Variants in CNTRL observed in about 807,000 individuals in gnomAD.
The protein encoded by CNTRL is 110 kDa centrosomal protein.
Under a neutral mutation model 303.7 loss-of-function variants are expected in CNTRL, and 233 were observed. That is an observed-to-expected ratio of 0.77 (90% CI 0.69 to 0.86). The LOEUF is 0.86. Among genes scored for constraint, CNTRL ranks in the 40% least tolerant of loss-of-function variants. CNTRL has a pLI of 0.00. For missense variants in CNTRL, 2,524 were observed against 2,650.6 expected, an observed-to-expected ratio of 0.95 and a Z score of 1.05; for synonymous variants, 900 against 922.2, an observed-to-expected ratio of 0.98 and a Z score of 0.44.
At chr9:121,157,072 T>A (rs1408624528) in intron 27 of CNTRL, among the ~76,000 whole-genome samples, 1 of 151,486 alleles carries the variant, frequency 6.6e-6, no homozygotes, top group Non-Finnish European at 1.5e-5. Context: ...ATATAGTCTT[T>A]CTGTCTTTGT....
rs532419601 is a variant in CNTRL at position 121,088,405 on chromosome 9, A to G, written c.79A>G (p.Met27Val). The change falls in exon 3 of 44, where the codon ATG (methionine) becomes GTG (valine). Residue 27 changes from methionine to valine, a missense_variant. Transcript: ENST00000373855. ...SSSHSPIPSS[M>V]SNMRSRSLSP... ...ATCTCACTCTCCTATCCCATCATCT[A>G]TGTCCAATATGAGATCTAGGTCACT... 3.7e-6 allele frequency: 6 copies of G among 1,612,434 alleles called. No individual in the cohort carries two copies. The highest frequency in any genetic ancestry group is 1.3e-5 in the African/African-American group (1 of 74,904).
chr9:121,138,467 G>A, intron 15 of CNTRL, 78 bp from the exon 16 acceptor site: 1 of 1,449,016 alleles, frequency 6.9e-7, no homozygotes, highest in Non-Finnish European at 9.5e-7. Flanking sequence ...GTGTGTATAT[G>A]TAAATTTATT....
At chr9:121,154,460 A>C (rs2052452515) in intron 26 of CNTRL, among the ~76,000 whole-genome samples, 1 of 152,250 alleles carries the variant, frequency 6.6e-6, no homozygotes, top group Non-Finnish European at 1.5e-5. Flanking sequence ...CTGACAACAC[A>C]ATAATCTTTG....
At position 121,165,051 on chromosome 9, in the gene CNTRL, C is replaced by G. The variant is rs553998042; in HGVS notation, c.5532C>G (p.Asp1844Glu). 1 of 1,606,484 alleles carries G rather than the reference C, an allele frequency of 6.2e-7. No individual in the cohort carries two copies. Among genetic ancestry groups the G allele is most frequent in the Non-Finnish European group, 8.5e-7 (1 of 1,177,248 alleles). ...LQQELDQLNR[D>E]KLSLHNDISA... is the part of the protein sequence containing the mutation. ...AGGAACTAGACCAACTAAACAGAGA[C>G]AAGTTGTCACTGCATAACGACATTT... Residue 1844 changes from aspartate (D) to glutamate (E), a missense_variant, in exon 35 of 44, where the codon GAC (aspartate) becomes GAG (glutamate). Asp to Glu is a conservative substitution (Grantham distance 45, BLOSUM62 2). Coordinates refer to ENST00000373855, the MANE Select transcript of CNTRL (RefSeq NM_007018.6).
At chr9:121,075,203 T>G in intron 1 of CNTRL, 136 bp downstream of exon 1, 1 of 326,390 alleles carries the variant, frequency 3.1e-6, no homozygotes, top group Non-Finnish European at 6.0e-6. Context: ...GGCGCGTGTC[T>G]GGGAATTGGG....
intron 2 of CNTRL, among the ~76,000 whole-genome samples, chr9:121,082,941 G>C (rs944347273): frequency 6.9e-6 from 1 of 144,194 alleles, no homozygotes; most frequent in Non-Finnish European, 1.5e-5. Context: ...CTGCACACCA[G>C]CCTGGGCGAC....
At chr9:121,126,713 A>G (rs1381780919) in intron 14 of CNTRL, among the ~76,000 whole-genome samples, 1 of 152,198 alleles carries the variant, frequency 6.6e-6, no homozygotes, top group Non-Finnish European at 1.5e-5. Flanking sequence ...GTAAACATCC[A>G]TAAGCAATAT....
At chr9:121,138,447 G>A in intron 15 of CNTRL, 98 bp from the exon 16 acceptor site, 1 of 1,220,314 alleles carries the variant, frequency 8.2e-7, no homozygotes, top group South Asian at 1.5e-5. Flanking sequence ...ACTATAGCTA[G>A]CAAGGGATTG....
intron 7 of CNTRL, among the ~76,000 whole-genome samples, 191 bp from the exon 8 acceptor site, chr9:121,107,611 A>G (rs77588859): frequency 0.04 from 6,069 of 152,280 alleles, 197 homozygotes; most frequent in Non-Finnish European, 0.064. Context: ...AATATCATTG[A>G]AATGATGCCT....
intron 31 of CNTRL, 21 bp from the exon 32 acceptor site, chr9:121,160,122 C>CT (rs561579740): frequency 0.022 from 22,630 of 1,046,086 alleles, no homozygotes; most frequent in South Asian, 0.028. Context: ...GAGGGAATAA[C>CT]TTTTTTTTTT....
intron 8 of CNTRL, chr9:121,111,015 T>C (rs866592761): frequency 2.6e-5 from 4 of 152,150 alleles, no homozygotes; most frequent in African/African-American, 4.8e-5. Context: ...GTGATTCCAG[T>C]CACATTTGCC....
chr9:121,155,965 A>C (rs1202906694), intron 27 of CNTRL, among the ~76,000 whole-genome samples: 1 of 152,146 alleles, frequency 6.6e-6, no homozygotes, highest in African/African-American at 2.4e-5. Flanking sequence ...CTAGGAACTA[A>C]ATTATTTATT....
intron 14 of CNTRL, among the ~76,000 whole-genome samples, chr9:121,129,072 C>G (rs148871516): frequency 6.6e-6 from 1 of 152,122 alleles, no homozygotes; most frequent in African/African-American, 2.4e-5. Context: ...AGTCAGGTAG[C>G]GTGATGCCTC....
intron 9 of CNTRL, among the ~76,000 whole-genome samples, chr9:121,113,093 T>C (rs938441554): frequency 5.3e-5 from 8 of 152,136 alleles, no homozygotes; most frequent in African/African-American, 1.9e-4. Context: ...ATTATTAAAA[T>C]ATATTATACT....
chr9:121,076,046 C>A (rs2047910209), intron 1 of CNTRL, among the ~76,000 whole-genome samples: 1 of 152,216 alleles, frequency 6.6e-6, no homozygotes, highest in Non-Finnish European at 1.5e-5. Flanking sequence ...TACAGTCCTT[C>A]AGTCAACAAA....
At position 121,113,527 on chromosome 9, in the gene CNTRL, AT is replaced by A. The variant is rs2049844019; in HGVS notation, c.1149del (p.Asp383GlufsTer45). Reference sequence around the variant, plus strand: ...TATGCTGAAATTGATAAAGCCCCAGATGAAAGCCCTTACATTGGCAAATCCA... The same window carrying A: ...TATGCTGAAATTGATAAAGCCCCAGAGAAAGCCCTTACATTGGCAAATCCA... ...SEYAEIDKAPDESPYIGKSRY... is the reference protein window; with the variant it reads ...SEYAEIDKAPXESPYIGKSRY... On this transcript the variant is annotated frameshift_variant, in exon 10 of 44. Transcript: ENST00000373855. LOFTEE classifies it high-confidence loss of function. The A allele has an allele frequency of 6.3e-7, 1 of 1,588,734 alleles. No individual in the cohort carries two copies.
chr9:121,084,102 C>A (rs971969827), intron 2 of CNTRL, among the ~76,000 whole-genome samples: 4 of 152,232 alleles, frequency 2.6e-5, no homozygotes, highest in Admixed American at 2.0e-4. Context: ...AAAATAATTT[C>A]TGTTTTCACA....
chr9:121,140,540 G>T, intron 16 of CNTRL, 101 bp from the exon 17 acceptor site: 1 of 1,020,338 alleles, frequency 9.8e-7, no homozygotes. Flanking sequence ...AAGAGGCATT[G>T]TCTGAATTTA....
rs754517212 is a variant in CNTRL at position 121,113,559 on chromosome 9, A to G, written c.1180A>G (p.Lys394Glu). 6.2e-7 allele frequency: 1 copy of G among 1,607,792 alleles called. No homozygotes were observed. Among genetic ancestry groups the G allele is most frequent in the Non-Finnish European group, 8.5e-7 (1 of 1,178,294 alleles). The change falls in exon 10 of 44, where the codon AAG (lysine) becomes GAG (glutamate). Residue 394 changes from lysine to glutamate, a missense_variant. By Grantham distance (56) the Lys-to-Glu change is moderately conservative. Transcript: ENST00000373855. ...ESPYIGKSRY[K>E]RNMFATESYI... ...CCCTTACATTGGCAAATCCAGATACAAGAGAAATATGTTTGCCACAGAGAG... is the reference window on the plus strand; with the variant it reads ...CCCTTACATTGGCAAATCCAGATACGAGAGAAATATGTTTGCCACAGAGAG...
Sources: gnomAD v4.1 joint callset for allele counts (sites outside exome capture counted in the v4.1 genomes callset) on GRCh38, gnomAD v4.1.1 for gene constraint, MANE v1.5 for transcripts, NCBI Gene and HGNC (gene_info 2026-07-23, HGNC 2026-07-21) for gene names.